Variants in SRBD1 observed in about 807,000 individuals in gnomAD.
SRBD1 encodes the protein S1 RNA binding domain 1.
SRBD1 carries 88 observed loss-of-function variants against 115.3 expected under a neutral mutation model. That is an observed-to-expected ratio of 0.76 (90% CI 0.64 to 0.91). The LOEUF (loss-of-function observed/expected upper bound fraction) is 0.91. Among genes scored for constraint, SRBD1 ranks in the 40% least tolerant of loss-of-function variants. The pLI, the probability that SRBD1 is intolerant of heterozygous loss-of-function variation, is 0.00. For synonymous variants in SRBD1, 509 were observed against 407.7 expected (o/e 1.25, Z -2.99); for missense variants, 1,385 against 1,177.4 (o/e 1.18, Z -2.58).
chr2:45,518,180 G>A (rs890781842), intron 14 of SRBD1, among the ~76,000 whole-genome samples: 1 of 151,800 alleles, frequency 6.6e-6, no homozygotes, highest in Non-Finnish European at 1.5e-5. Context: ...AATCCTGTAA[G>A]TATTATCATC....
intron 18 of SRBD1, among the ~76,000 whole-genome samples, chr2:45,413,831 C>G (rs1350090715): frequency 1.3e-5 from 2 of 152,014 alleles, no homozygotes; most frequent in African/African-American, 4.8e-5. Context: ...ACTTGGGAGG[C>G]TGAGGCAGGA....
chr2:45,451,233 T>C (rs2103742516), intron 16 of SRBD1, among the ~76,000 whole-genome samples: 1 of 152,254 alleles, frequency 6.6e-6, no homozygotes, highest in Admixed American at 6.5e-5. Flanking sequence ...GAATGGATTA[T>C]GCCATACAGA....
At chr2:45,580,749 G>A (rs1488902307) in intron 6 of SRBD1, among the ~76,000 whole-genome samples, 4 of 131,660 alleles carry the variant, frequency 3.0e-5, no homozygotes, top group African/African-American at 8.8e-5. Flanking sequence ...GCAGTGGCAC[G>A]ATCTCAGCTC....
At chr2:45,556,218 A>T (rs547227501) in intron 10 of SRBD1, among the ~76,000 whole-genome samples, 14 of 152,170 alleles carry the variant, frequency 9.2e-5, no homozygotes, top group Non-Finnish European at 1.8e-4. Context: ...TGCCTGAAGG[A>T]ATTAGGGATA....
intron 3 of SRBD1, among the ~76,000 whole-genome samples, chr2:45,600,715 G>A (rs531400008): frequency 1.3e-5 from 2 of 152,088 alleles, no homozygotes; most frequent in Non-Finnish European, 2.9e-5. Context: ...CACCCATCTC[G>A]GCACTGGGTA....
At chr2:45,455,046 C>G (rs1669111062) in intron 16 of SRBD1, among the ~76,000 whole-genome samples, 1 of 151,774 alleles carries the variant, frequency 6.6e-6, no homozygotes, top group African/African-American at 2.4e-5. Flanking sequence ...TCCTTGTGTA[C>G]ACCCACCACA....
At chr2:45,573,047 T>G (rs545286272) in intron 9 of SRBD1, among the ~76,000 whole-genome samples, 160 bp downstream of exon 9, 1 of 152,146 alleles carries the variant, frequency 6.6e-6, no homozygotes, top group Admixed American at 6.5e-5. Context: ...ACTTCCCAAT[T>G]TGTGAAGCGG....
intron 14 of SRBD1, among the ~76,000 whole-genome samples, chr2:45,520,363 T>C (rs1239932269): frequency 6.6e-6 from 1 of 152,196 alleles, no homozygotes; most frequent in African/African-American, 2.4e-5. Flanking sequence ...AGTGTGAGAA[T>C]ATGGATTAGC....
At chr2:45,457,827 T>A (rs1419175690) in intron 16 of SRBD1, among the ~76,000 whole-genome samples, 11 of 151,960 alleles carry the variant, frequency 7.2e-5, no homozygotes, top group Admixed American at 1.3e-4. Flanking sequence ...CAAGGACTTA[T>A]GCTTTTAGAA....
At chr2:45,593,505 T>C (rs1413163704) in intron 4 of SRBD1, among the ~76,000 whole-genome samples, 1 of 152,062 alleles carries the variant, frequency 6.6e-6, no homozygotes, top group Non-Finnish European at 1.5e-5. Flanking sequence ...TCCAAGAAAA[T>C]GCTTTTTCCC....
intron 14 of SRBD1, among the ~76,000 whole-genome samples, chr2:45,527,721 A>C (rs982646084): frequency 6.6e-6 from 1 of 151,920 alleles, no homozygotes; most frequent in Non-Finnish European, 1.5e-5. Context: ...TCAGAGATGA[A>C]GAGACACAGG....
At chr2:45,453,404 C>T (rs538458272) in intron 16 of SRBD1, among the ~76,000 whole-genome samples, 1 of 151,994 alleles carries the variant, frequency 6.6e-6, no homozygotes, top group East Asian at 1.9e-4. Flanking sequence ...CTATTTCTCT[C>T]CATTCCTTAA....
At chr2:45,548,137 A>G (rs1333714154) in intron 12 of SRBD1, among the ~76,000 whole-genome samples, 1 of 151,788 alleles carries the variant, frequency 6.6e-6, no homozygotes, top group Non-Finnish European at 1.5e-5. Context: ...ATTTGAAGAT[A>G]ACTACCTAAA....
Position 45,599,589 on chromosome 2 carries a change from T to C in SRBD1, c.508A>G (p.Asn170Asp). The change falls in exon 4 of 21, where the codon AAT (asparagine) becomes GAT (aspartate). Residue 170 changes from asparagine (N) to aspartate (D), a missense_variant. Asn to Asp is a conservative substitution (Grantham distance 23). Coordinates refer to ENST00000263736, the MANE Select transcript of SRBD1 (RefSeq NM_018079.5). ...VWGGTCKKEE[N>D]DDDFTFGQSA... ...TGACCAAATGTAAAGTCATCGTCATTCTCTTCCTTCTTGCATGTACCTCCC... is the reference window on the plus strand; with the variant it reads ...TGACCAAATGTAAAGTCATCGTCATCCTCTTCCTTCTTGCATGTACCTCCC... 1 of 1,614,190 alleles carries C rather than the reference T, an allele frequency of 6.2e-7. No individual in the cohort carries two copies. Among genetic ancestry groups the C allele is most frequent in the Non-Finnish European group, 8.5e-7 (1 of 1,180,034 alleles).
intron 14 of SRBD1, among the ~76,000 whole-genome samples, chr2:45,512,802 G>A (rs1671008415): frequency 6.6e-6 from 1 of 152,022 alleles, no homozygotes; most frequent in South Asian, 2.1e-4. Flanking sequence ...TGTATGTTTG[G>A]AATTTGTGTA....
chr2:45,539,475 C>T (rs1671865184), intron 14 of SRBD1, among the ~76,000 whole-genome samples: 1 of 152,144 alleles, frequency 6.6e-6, no homozygotes, highest in African/African-American at 2.4e-5. Context: ...AGGTTAAACC[C>T]TCAGTGTAAG....
At chr2:45,551,372 T>G (rs1170382991) in intron 11 of SRBD1, 90 bp from the exon 12 acceptor site, 2 of 1,256,500 alleles carry the variant, frequency 1.6e-6, no homozygotes, top group Non-Finnish European at 2.2e-6. Context: ...CAATTATTTC[T>G]CAAAGGATAA....
At chr2:45,465,020 C>CAA (rs1669439570) in intron 16 of SRBD1, among the ~76,000 whole-genome samples, 1 of 137,340 alleles carries the variant, frequency 7.3e-6, no homozygotes, top group Admixed American at 7.6e-5. Flanking sequence ...CACACACACA[C>CAA]ACACACACAC....
intron 10 of SRBD1, among the ~76,000 whole-genome samples, chr2:45,560,003 A>G (rs1458301621): frequency 6.6e-6 from 1 of 151,990 alleles, no homozygotes; most frequent in African/African-American, 2.4e-5. Flanking sequence ...ACAGCTTGAA[A>G]CTGGGAAGTC....
Sources: allele counts gnomAD v4.1 joint callset (sites outside exome capture counted in the v4.1 genomes callset), GRCh38; gene constraint gnomAD v4.1.1; transcripts MANE v1.5; gene names NCBI Gene and HGNC (gene_info 2026-07-23, HGNC 2026-07-21).